CDH12: variants seen among roughly 807,000 people sequenced by gnomAD.
CDH12 encodes the protein cadherin 12, also known as cadherin-12.
A neutral mutation model predicts 74.1 loss-of-function variants in CDH12; 41 were observed. The ratio of observed to expected loss-of-function variants is 0.55; its 90% CI spans 0.43 to 0.72. The LOEUF (loss-of-function observed/expected upper bound fraction) is 0.72, where lower values mean the gene tolerates loss of function less well. Ranked by LOEUF, CDH12 falls within the 30% of genes least tolerant of loss-of-function variation. The pLI is 0.00. For synonymous variants in CDH12, 399 were observed against 355.0 expected (o/e 1.12, Z -1.39); for missense variants, 945 against 977.2 (o/e 0.97, Z 0.44).
chr5:21,915,519 T>C (rs758061808), intron 6 of CDH12, among the ~76,000 whole-genome samples: 3 of 152,156 alleles, frequency 2.0e-5, no homozygotes, highest in Non-Finnish European at 4.4e-5. Context: ...TCTGATAAGA[T>C]TGGTACTGGA....
intron 1 of CDH12, among the ~76,000 whole-genome samples, chr5:22,706,374 ATAAT>A (rs1380812997): frequency 6.6e-6 from 1 of 152,114 alleles, no homozygotes; most frequent in African/African-American, 2.4e-5. Flanking sequence ...TTCATAAATC[ATAAT>A]TCATTCATAA....
chr5:21,805,259 G>A (rs991765220), intron 9 of CDH12, among the ~76,000 whole-genome samples: 1 of 152,012 alleles, frequency 6.6e-6, no homozygotes, highest in Admixed American at 6.6e-5. Flanking sequence ...TTCTAGATAA[G>A]ATCTTAATTT....
intron 10 of CDH12, among the ~76,000 whole-genome samples, chr5:21,795,387 G>A (rs1561191312): frequency 6.6e-6 from 1 of 151,780 alleles, no homozygotes; most frequent in Non-Finnish European, 1.5e-5. Context: ...ACACAAATGA[G>A]TACTATGCCA....
intron 6 of CDH12, among the ~76,000 whole-genome samples, chr5:21,897,247 C>A (rs1753168245): frequency 6.6e-6 from 1 of 152,172 alleles, no homozygotes; most frequent in Admixed American, 6.5e-5. Flanking sequence ...TTTCAGCATT[C>A]ATCCAGTAAC....
intron 6 of CDH12, among the ~76,000 whole-genome samples, chr5:21,936,851 T>A (rs566427503): frequency 6.6e-6 from 1 of 152,232 alleles, no homozygotes; most frequent in East Asian, 1.9e-4. Context: ...CCCTGCATGC[T>A]CTCTCTCTTA....
chr5:22,837,844 G>A (rs1259461277), intron 1 of CDH12, among the ~76,000 whole-genome samples: 1 of 152,140 alleles, frequency 6.6e-6, no homozygotes, highest in Non-Finnish European at 1.5e-5. Context: ...TCTTTGACGT[G>A]GAAGTTAAAC....
intron 6 of CDH12, among the ~76,000 whole-genome samples, chr5:21,965,403 T>G (rs1756535875): frequency 6.6e-6 from 1 of 152,084 alleles, no homozygotes; most frequent in Non-Finnish European, 1.5e-5. Flanking sequence ...GCTAATCATA[T>G]TTTGGCATTT....
chr5:22,087,938 G>A (rs910709502), intron 4 of CDH12, among the ~76,000 whole-genome samples: 1 of 152,168 alleles, frequency 6.6e-6, no homozygotes, highest in Non-Finnish European at 1.5e-5. Context: ...TAAGTTTGGA[G>A]AAAATTCCAG....
chr5:22,497,770 G>A (rs1470446301), intron 2 of CDH12, among the ~76,000 whole-genome samples: 1 of 144,782 alleles, frequency 6.9e-6, no homozygotes, highest in African/African-American at 2.6e-5. Flanking sequence ...AGCCTCCTAA[G>A]TGGCTGGAAT....
At chr5:22,083,630 G>A (rs1742883118) in intron 4 of CDH12, among the ~76,000 whole-genome samples, 2 of 152,114 alleles carry the variant, frequency 1.3e-5, no homozygotes, top group Non-Finnish European at 2.9e-5. Context: ...TGTGAAGGAG[G>A]TGGTATTATT....
chr5:22,163,522 T>A (rs1748483601), intron 4 of CDH12, among the ~76,000 whole-genome samples: 3 of 152,282 alleles, frequency 2.0e-5, no homozygotes, highest in Admixed American at 6.5e-5. Flanking sequence ...CAGACCAAAA[T>A]TTTTTAAGTT....
chr5:22,385,829 C>T (rs901992917), intron 3 of CDH12, among the ~76,000 whole-genome samples: 1 of 150,488 alleles, frequency 6.6e-6, no homozygotes, highest in Admixed American at 6.6e-5. Context: ...GGGAAGCAGG[C>T]ACATCTTACA....
At chr5:22,279,678 C>T (rs972764604) in intron 3 of CDH12, among the ~76,000 whole-genome samples, 2 of 152,140 alleles carry the variant, frequency 1.3e-5, no homozygotes, top group Non-Finnish European at 2.9e-5. Flanking sequence ...CTTCCAGCTT[C>T]GTCCATGTCC....
chr5:22,563,409 C>T (rs955624667), intron 1 of CDH12, among the ~76,000 whole-genome samples: 1 of 151,728 alleles, frequency 6.6e-6, no homozygotes, highest in South Asian at 2.1e-4. Flanking sequence ...GCTTTTTTGC[C>T]CATTTTAAAA....
intron 8 of CDH12, among the ~76,000 whole-genome samples, chr5:21,824,522 C>T (rs986807978): frequency 1.3e-5 from 2 of 152,170 alleles, no homozygotes; most frequent in African/African-American, 4.8e-5. Flanking sequence ...TCTGCTTACT[C>T]ATTTCTTGCC....
rs183269294 is a variant in CDH12 at position 22,218,379 on chromosome 5, G to T, written c.-332-5736C>A. On this transcript the variant is annotated intron_variant, in intron 3 of 14. Transcript: ENST00000382254. ...GTGAATAAACTGTGGTACACTCATA[G>T]AATGGAATACTTCTTGGTAATTAAA... Among the ~76,000 whole-genome samples, 52 of 151,842 alleles carry T rather than the reference G, an allele frequency of 3.4e-4. No homozygotes were observed. The East Asian group carries it at 0.01, about 29-fold the overall frequency.
At chr5:22,146,041 CA>C (rs33976176) in intron 4 of CDH12, among the ~76,000 whole-genome samples, 61,056 of 151,728 alleles carry the variant, frequency 0.4, 12,852 homozygotes, top group Middle Eastern at 0.5. Flanking sequence ...CACACTTTAC[CA>C]AAATATGATT....
chr5:22,297,168 T>A (rs1383028590), intron 3 of CDH12, among the ~76,000 whole-genome samples: 1 of 151,874 alleles, frequency 6.6e-6, no homozygotes, highest in East Asian at 1.9e-4. Context: ...GTTACAGGCA[T>A]GGGCTACCAT....
intron 1 of CDH12, among the ~76,000 whole-genome samples, chr5:22,732,477 C>T (rs1427881926): frequency 2.6e-5 from 1 of 38,890 alleles, no homozygotes; most frequent in African/African-American, 8.2e-5. Flanking sequence ...TATATACACA[C>T]ACACACACAC....
Sources: gnomAD v4.1 joint callset for allele counts (sites outside exome capture counted in the v4.1 genomes callset) on GRCh38, gnomAD v4.1.1 for gene constraint, MANE v1.5 for transcripts, NCBI Gene and HGNC (gene_info 2026-07-23, HGNC 2026-07-21) for gene names.